The following AGBL1 variants were observed in gnomAD, a reference collection of about 807,000 sequenced individuals.
AGBL1 encodes cytosolic carboxypeptidase 4.
AGBL1 carries 130 observed loss-of-function variants against 118.9 expected under a neutral mutation model. The ratio of observed to expected loss-of-function variants is 1.09; its 90% CI spans 0.95 to 1.26. The LOEUF (loss-of-function observed/expected upper bound fraction) is 1.26. Among genes scored for constraint, AGBL1 ranks in the 50% most tolerant of loss-of-function variants. The probability of loss-of-function intolerance (pLI) is 0.00; values close to 1 mark genes in which losing one functional copy is unlikely to be tolerated. For synonymous variants in AGBL1, 555 were observed against 478.9 expected (o/e 1.16, Z -2.08); for missense variants, 1,584 against 1,298.1 (o/e 1.22, Z -3.38).
chr15:86,655,549 CTTATA>C (rs919669795), intron 21 of AGBL1, among the ~76,000 whole-genome samples: 6 of 152,208 alleles, frequency 3.9e-5, no homozygotes, highest in African/African-American at 1.4e-4. Flanking sequence ...TGTAAAGCAT[CTTATA>C]TTATGCGTAA....
chr15:86,688,988 T>C (rs949058578), intron 22 of AGBL1, among the ~76,000 whole-genome samples: 1 of 152,184 alleles, frequency 6.6e-6, no homozygotes, highest in African/African-American at 2.4e-5. Context: ...CCATTTAGTT[T>C]TTTACACTCA....
At chr15:86,406,417 G>T (rs1318612277) in intron 18 of AGBL1, among the ~76,000 whole-genome samples, 2 of 152,104 alleles carry the variant, frequency 1.3e-5, no homozygotes, top group East Asian at 1.9e-4. Flanking sequence ...AAAACAAAAT[G>T]ATTTTATTGT....
intron 17 of AGBL1, among the ~76,000 whole-genome samples, chr15:86,368,717 G>A (rs1350938292): frequency 1.3e-5 from 2 of 152,044 alleles, no homozygotes; most frequent in South Asian, 2.1e-4. Flanking sequence ...TGAGAGGCTC[G>A]CACATTTTTA....
intron 24 of AGBL1, among the ~76,000 whole-genome samples, chr15:87,016,202 C>T (rs2081606640): frequency 6.6e-6 from 1 of 151,984 alleles, no homozygotes; most frequent in African/African-American, 2.4e-5. Context: ...ATCTGACCCA[C>T]TGATCCACTA....
chr15:86,323,740 T>C (rs1389461491), intron 17 of AGBL1, among the ~76,000 whole-genome samples: 2 of 152,216 alleles, frequency 1.3e-5, no homozygotes, highest in Admixed American at 6.5e-5. Context: ...ACCATCTGTA[T>C]ACTCAACACT....
rs558105331 is a variant in AGBL1 at position 86,982,269 on chromosome 15, C to T, written c.3222-5718C>T. ...TATGCACATTTCCAATTTCATTAAG[C>T]AGAGAACATATATTTTCACCCATAA... On this transcript the variant is annotated intron_variant, in intron 23 of 24. Transcript: ENST00000441037. Among the ~76,000 whole-genome samples, 331 of 152,220 alleles carry T rather than the reference C, an allele frequency of 2.2e-3. 1 individual carries two copies. The highest frequency in any genetic ancestry group is 4.6e-3 in the Admixed American group (71 of 15,288).
chr15:86,217,543 A>G (rs1021023196), intron 5 of AGBL1, among the ~76,000 whole-genome samples: 3 of 152,210 alleles, frequency 2.0e-5, no homozygotes, highest in African/African-American at 7.2e-5. Context: ...GGAAAAAAGG[A>G]TGAATGTACC....
intron 22 of AGBL1, among the ~76,000 whole-genome samples, chr15:86,903,440 A>G (rs554596244): frequency 1.3e-5 from 2 of 151,796 alleles, no homozygotes; most frequent in Admixed American, 6.6e-5. Flanking sequence ...ATGTGTGTCC[A>G]TAATTACTTA....
intron 18 of AGBL1, among the ~76,000 whole-genome samples, chr15:86,468,841 C>G (rs146559056): frequency 6.6e-6 from 1 of 152,138 alleles, no homozygotes; most frequent in South Asian, 2.1e-4. Context: ...AACTATTCAT[C>G]TTGAAGCTGA....
chr15:86,184,974 C>T lies in AGBL1; in HGVS notation c.488+25948C>T, dbSNP rs544121652. On this transcript the variant is annotated intron_variant, in intron 5 of 22. Coordinates refer to ENST00000614907, the MANE Select transcript of AGBL1 (RefSeq NM_001386094.1). ...AGAAACTACCATCAGAGTGAACAGG[C>T]AACCTACAGAATGGGAGAAAATGTT... Among the ~76,000 whole-genome samples, 16 of 152,254 alleles carry T rather than the reference C, an allele frequency of 1.1e-4. No individual in the cohort carries two copies. In the East Asian group the frequency reaches 2.9e-3, roughly 28 times the overall value.
chr15:86,263,496 A>G lies in AGBL1; in HGVS notation c.1086+602A>G, dbSNP rs2079025686. 3.3e-5 allele frequency among the ~76,000 whole-genome samples: 5 copies of G among 152,218 alleles called. No homozygotes were observed. The South Asian group carries it at 1.0e-3, about 32-fold the overall frequency. On this transcript the variant is annotated intron_variant, in intron 10 of 22. Coordinates refer to ENST00000614907, the MANE Select transcript of AGBL1 (RefSeq NM_001386094.1). The stretch of plus-strand genomic sequence containing the variant: ...AGCATGAAGGTACACATCACTGCCT[A>G]TTGTCTGGTGGGCAGGGTGCCCTGC...
intron 24 of AGBL1, among the ~76,000 whole-genome samples, chr15:87,016,181 C>G (rs1021602557): frequency 6.6e-5 from 10 of 152,072 alleles, no homozygotes; most frequent in Admixed American, 3.9e-4. Context: ...CTCAAGTAAC[C>G]CTTAAGGAGA....
At chr15:86,369,423 T>C (rs1024277650) in intron 17 of AGBL1, among the ~76,000 whole-genome samples, 1 of 152,076 alleles carries the variant, frequency 6.6e-6, no homozygotes, top group Non-Finnish European at 1.5e-5. Context: ...AGACATAAAA[T>C]CTATAATTTG....
At chr15:86,371,079 A>C (rs757328869) in intron 17 of AGBL1, among the ~76,000 whole-genome samples, 10 of 152,374 alleles carry the variant, frequency 6.6e-5, no homozygotes, top group South Asian at 4.1e-4. Flanking sequence ...TGAGCAAAGA[A>C]AGCCCAGGTT....
At position 86,670,932 on chromosome 15, in the gene AGBL1, A is replaced by G. The variant is rs1053695905; in HGVS notation, c.2995-3341A>G. ...AGTTGTTTAAATCAGAGAGGGTTGT[A>G]CTGGTTAGCTTTGCTTACTAATACT... is the stretch of plus-strand genomic sequence containing the variant. On this transcript the variant is annotated intron_variant, in intron 21 of 22. Transcript: ENST00000614907. Among the ~76,000 whole-genome samples, 11 of 152,156 alleles carry G rather than the reference A, an allele frequency of 7.2e-5. No homozygotes were observed. The South Asian group carries it at 2.3e-3, about 32-fold the overall frequency.
intron 22 of AGBL1, among the ~76,000 whole-genome samples, chr15:86,756,536 G>T (rs1567159072): frequency 6.6e-6 from 1 of 152,102 alleles, no homozygotes. Flanking sequence ...CTGGGCAGGT[G>T]TGGAAAGAAT....
intron 6 of AGBL1, among the ~76,000 whole-genome samples, chr15:86,241,514 G>A (rs2078640621): frequency 6.6e-6 from 1 of 152,250 alleles, no homozygotes; most frequent in Non-Finnish European, 1.5e-5. Context: ...AACTGATAAA[G>A]AATTTTTTTT....
At chr15:86,415,752 C>T (rs189788450) in intron 18 of AGBL1, among the ~76,000 whole-genome samples, 10 of 152,190 alleles carry the variant, frequency 6.6e-5, no homozygotes, top group African/African-American at 2.2e-4. Flanking sequence ...AGTCTTGAAC[C>T]CATGCTTATC....
At chr15:86,646,768 T>G (rs1186653813) in intron 21 of AGBL1, among the ~76,000 whole-genome samples, 1 of 152,204 alleles carries the variant, frequency 6.6e-6, no homozygotes, top group Admixed American at 6.5e-5. Flanking sequence ...TTTTCATCAC[T>G]AAATAACGTT....
Sources: gnomAD v4.1 joint callset for allele counts (sites outside exome capture counted in the v4.1 genomes callset) on GRCh38, gnomAD v4.1.1 for gene constraint, MANE v1.5 for transcripts, NCBI Gene and HGNC (gene_info 2026-07-23, HGNC 2026-07-21) for gene names.